IGF2R: variants seen among roughly 807,000 people sequenced by gnomAD.
IGF2R encodes the protein insulin like growth factor 2 receptor.
Under a neutral mutation model 270.6 loss-of-function variants are expected in IGF2R, and 91 were observed. That is an observed-to-expected ratio of 0.34 (90% confidence interval 0.28 to 0.40). The LOEUF (loss-of-function observed/expected upper bound fraction) is 0.40. IGF2R is among the 10% of genes least tolerant of loss of function. The pLI, the probability that IGF2R is intolerant of heterozygous loss-of-function variation, is 1.00. For synonymous variants in IGF2R, 1,316 were observed against 1,258.9 expected (o/e 1.05, Z -0.96); for missense variants, 2,805 against 3,188.3 (o/e 0.88, Z 2.90).
chr6:160,027,218 C>G lies in IGF2R; in HGVS notation c.680C>G (p.Ala227Gly). The G allele has an allele frequency of 6.2e-7, 1 of 1,614,254 alleles. No individual in the cohort carries two copies. The highest frequency in any genetic ancestry group is 8.5e-7 in the Non-Finnish European group (1 of 1,180,048). ...CGAGACCCAGGTTCACAGCTGCGGGCCTGTCCCCCCGGCACTGCCGCCTGC... is the reference window on the plus strand; with the variant it reads ...CGAGACCCAGGTTCACAGCTGCGGGGCTGTCCCCCCGGCACTGCCGCCTGC... Reference protein sequence around the residue: ...TLRDPGSQLRACPPGTAACLV... With the variant: ...TLRDPGSQLRGCPPGTAACLV... The change falls in exon 6 of 48, where the codon GCC becomes GGC. Residue 227 changes from alanine (A) to glycine (G), a missense_variant. Transcript: ENST00000356956.
At position 160,085,244 on chromosome 6, in the gene IGF2R, A is replaced by AGATATGATTGCCT. The variant is rs8191919; in HGVS notation, c.6205+115_6205+127dup. The AGATATGATTGCCT allele has an allele frequency of 1.0e-3, 1,139 of 1,123,496 alleles. 6 individuals are homozygous for AGATATGATTGCCT. In the African/African-American group the frequency reaches 0.016, roughly 16 times the overall value. The allele number at this position is 1,123,496 out of a possible 1,614,324, so 69.6% of individuals were successfully genotyped here. On this transcript the variant is annotated intron_variant, in intron 41 of 47. Coordinates refer to ENST00000356956, the MANE Select transcript of IGF2R (RefSeq NM_000876.4). ...AGCATGTGCTTTGGTGGAAACCTCC[A>AGATATGATTGCCT]GATATGATTGCCTGTCACTGTCTCA...
rs563885536 is a variant in IGF2R, at chr6:160,089,949, T to C, written c.6501T>C (p.Asn2167=). 29 of 1,601,022 alleles carry C rather than the reference T, an allele frequency of 1.8e-5. No homozygotes were observed. The highest frequency in any genetic ancestry group is 2.0e-5 in the Non-Finnish European group (23 of 1,174,138). ...GAGCCTCTGGGGACATGAGGACCAATGGGGACAACTACCTGTATGAGATCC... is the reference window on the plus strand; with the variant it reads ...GAGCCTCTGGGGACATGAGGACCAACGGGGACAACTACCTGTATGAGATCC... The part of the protein sequence containing the change: ...LFRASGDMRT[N]GDNYLYEIQL... The change falls in exon 44 of 48, where the codon AAT becomes AAC. Residue 2167 remains asparagine (N), a synonymous_variant. Transcript: ENST00000356956.
chr6:160,021,696 C>A (rs1267874748), intron 4 of IGF2R, among the ~76,000 whole-genome samples: 2 of 149,298 alleles, frequency 1.3e-5, no homozygotes, highest in African/African-American at 4.9e-5. Context: ...TTATACCAGT[C>A]AAAAATGGCA....
chr6:160,077,685 C>T (rs1455791409), intron 36 of IGF2R, among the ~76,000 whole-genome samples: 2 of 152,196 alleles, frequency 1.3e-5, no homozygotes, highest in Non-Finnish European at 2.9e-5. Context: ...AGATGCTTAA[C>T]ATTAATTACA....
At position 160,104,785 on chromosome 6, in the gene IGF2R, A is replaced by C; in HGVS notation, c.7177A>C (p.Thr2393Pro). Residue 2393 changes from threonine to proline, a missense_variant, in exon 48 of 48, where the codon ACC becomes CCC. Physicochemically the swap from Thr to Pro is conservative, Grantham distance 38 (BLOSUM62 -1). Transcript: ENST00000356956. The stretch of plus-strand genomic sequence containing the variant: ...AGGGCAGGAGAACGGCCATATTACC[A>C]CCAAGTCAGTGAAAGCCCTCAGCTC... ...KEGQENGHITTKSVKALSSLH... is the reference protein window; with the variant it reads ...KEGQENGHITPKSVKALSSLH... 4 of 1,614,052 alleles carry C rather than the reference A, an allele frequency of 2.5e-6. No individual in the cohort carries two copies. The highest frequency in any genetic ancestry group is 3.4e-6 in the Non-Finnish European group (4 of 1,180,012).
chr6:160,053,685 G>A (rs1778246573), intron 19 of IGF2R, among the ~76,000 whole-genome samples: 1 of 152,100 alleles, frequency 6.6e-6, no homozygotes, highest in Non-Finnish European at 1.5e-5. Context: ...CATCTCTGGT[G>A]TCCTGTATTT....
chr6:160,090,301 A>C, intron 44 of IGF2R, 198 bp downstream of exon 44: 1 of 396,352 alleles, frequency 2.5e-6, no homozygotes, highest in Non-Finnish European at 4.5e-6. Context: ...CACTGTAGGC[A>C]AATTGTGTCT....
At position 160,009,025 on chromosome 6, in the gene IGF2R, GA is replaced by G; in HGVS notation, c.307del (p.Ser103ValfsTer13). On this transcript the variant is annotated frameshift_variant, in exon 3 of 48. Coordinates refer to ENST00000356956, the MANE Select transcript of IGF2R (RefSeq NM_000876.4). LOFTEE classifies it high-confidence loss of function. ...CTCCAAATAGGTGACTCTGTTTTGA[GA>G]AGTGCAACCAGATCTCTCCTGGAAT... is the stretch of plus-strand genomic sequence containing the variant. ...TYHSVGDSVL[R>X]SATRSLLEFN... The G allele has an allele frequency of 6.2e-7, 1 of 1,614,010 alleles. No homozygotes were observed. The highest frequency in any genetic ancestry group is 8.5e-7 in the Non-Finnish European group (1 of 1,179,918).
chr6:160,072,682 C>G, intron 32 of IGF2R, 83 bp from the exon 33 acceptor site: 1 of 1,490,100 alleles, frequency 6.7e-7, no homozygotes, highest in Non-Finnish European at 9.4e-7. Flanking sequence ...CTGACATAAT[C>G]TGTGTGTGAG....
intron 1 of IGF2R, among the ~76,000 whole-genome samples, chr6:159,988,671 G>A (rs1326919555): frequency 1.3e-5 from 2 of 152,042 alleles, no homozygotes; most frequent in South Asian, 2.1e-4. Flanking sequence ...TGCCACTGCC[G>A]CTACTTGAAG....
chr6:160,071,223 G>GGAAAGGT (rs1778723494), intron 31 of IGF2R, among the ~76,000 whole-genome samples: 1 of 138,930 alleles, frequency 7.2e-6, no homozygotes, highest in African/African-American at 2.7e-5. Context: ...AGGCTGGGAG[G>GGAAAGGT]GAAGGGTGGG....
chr6:160,032,527 C>T, intron 7 of IGF2R, 24 bp from the exon 8 acceptor site: 1 of 1,599,570 alleles, frequency 6.3e-7, no homozygotes, highest in Non-Finnish European at 8.5e-7. Context: ...TTTTATTTTG[C>T]TTCTTTCACA....
At chr6:160,011,550 CG>C (rs1376392110) in intron 4 of IGF2R, among the ~76,000 whole-genome samples, 8 of 108,216 alleles carry the variant, frequency 7.4e-5, no homozygotes, top group South Asian at 3.3e-4. Context: ...TCACATATTT[CG>C]TTTTTTTTTT....
intron 1 of IGF2R, among the ~76,000 whole-genome samples, chr6:159,987,752 A>C (rs112098143): frequency 2.0e-5 from 3 of 152,358 alleles, no homozygotes; most frequent in African/African-American, 7.2e-5. Flanking sequence ...AAGTACTGAC[A>C]GCTTGCAGGT....
At chr6:160,032,279 T>C (rs559401085) in intron 7 of IGF2R, among the ~76,000 whole-genome samples, 2 of 152,084 alleles carry the variant, frequency 1.3e-5, no homozygotes, top group South Asian at 4.1e-4. Context: ...GTGACTAGAC[T>C]AGAAAGGGAA....
chr6:160,022,862 G>GAA (rs979112972), intron 4 of IGF2R, among the ~76,000 whole-genome samples: 1 of 152,210 alleles, frequency 6.6e-6, no homozygotes, highest in African/African-American at 2.4e-5. Flanking sequence ...TGAAGTGAGG[G>GAA]AAAGAGCCAT....
At chr6:159,982,627 C>G (rs1783823426) in intron 1 of IGF2R, among the ~76,000 whole-genome samples, 1 of 152,184 alleles carries the variant, frequency 6.6e-6, no homozygotes, top group Admixed American at 6.5e-5. Context: ...CCCATCCTGC[C>G]TTTATCTTGC....
intron 6 of IGF2R, among the ~76,000 whole-genome samples, chr6:160,028,931 C>T (rs1271345767): frequency 1.3e-5 from 2 of 150,106 alleles, no homozygotes; most frequent in African/African-American, 4.9e-5. Flanking sequence ...TTTTTTGTTC[C>T]TTTTCTCTTT....
chr6:159,985,480 A>G (rs1783867188), intron 1 of IGF2R, among the ~76,000 whole-genome samples: 1 of 152,180 alleles, frequency 6.6e-6, no homozygotes, highest in African/African-American at 2.4e-5. Flanking sequence ...TTTGGCTCAC[A>G]TGTTAGCTGT....
Sources: allele counts gnomAD v4.1 joint callset (sites outside exome capture counted in the v4.1 genomes callset), GRCh38; gene constraint gnomAD v4.1.1; transcripts MANE v1.5; gene names NCBI Gene and HGNC (gene_info 2026-07-23, HGNC 2026-07-21).